The following PGM5 variants were observed in gnomAD, a reference collection of about 807,000 sequenced individuals.
PGM5 encodes phosphoglucomutase 5.
Under a neutral mutation model 59.2 loss-of-function variants are expected in PGM5, and 23 were observed. That is an observed-to-expected ratio of 0.39 (90% confidence interval 0.28 to 0.55). The LOEUF (loss-of-function observed/expected upper bound fraction) is 0.55. Among genes scored for constraint, PGM5 ranks in the 20% least tolerant of loss-of-function variants. PGM5 has a pLI of 0.66. For synonymous variants in PGM5, 214 were observed against 286.0 expected, an observed-to-expected ratio of 0.75 and a Z score of 2.54; for missense variants, 574 against 748.3, an observed-to-expected ratio of 0.77 and a Z score of 2.72.
In PGM5 at chr9:68,530,964, A is replaced by G. The variant is rs1034354158; in HGVS notation, c.*1308A>G. The G allele has an allele frequency of 6.6e-6, 1 of 152,240 alleles. No individual in the cohort carries two copies. The highest frequency in any genetic ancestry group is 1.5e-5 in the Non-Finnish European group (1 of 68,036). The allele number at this position is 152,240 out of a possible 1,614,324, so 9.4% of individuals were successfully genotyped here. On this transcript the variant is annotated 3_prime_UTR_variant, in exon 11 of 11. Coordinates refer to ENST00000396396, the MANE Select transcript of PGM5 (RefSeq NM_021965.4). ...TTAGTGCAAGCAAGGAAACATTCCC[A>G]GTAAGGTATTTGTTTCCATTTTCTG...
chr9:68,442,776 T>C (rs782773157), intron 6 of PGM5, among the ~76,000 whole-genome samples: 5 of 152,238 alleles, frequency 3.3e-5, no homozygotes, highest in Non-Finnish European at 7.3e-5. Context: ...AGAGGATATA[T>C]GGATGTCAAA....
intron 9 of PGM5, chr9:68,497,418 C>G (rs1442002211): frequency 6.6e-6 from 1 of 152,154 alleles, no homozygotes; most frequent in Non-Finnish European, 1.5e-5. Flanking sequence ...GAGATAGCTC[C>G]CTTTGGTTAC....
At chr9:68,413,316 T>C (rs1554681749) in intron 6 of PGM5, among the ~76,000 whole-genome samples, 1 of 152,040 alleles carries the variant, frequency 6.6e-6, no homozygotes, top group Non-Finnish European at 1.5e-5. Context: ...TCCTCTCTCC[T>C]GGGTAAGAAA....
At chr9:68,395,490 G>A (rs1293617900) in intron 6 of PGM5, among the ~76,000 whole-genome samples, 1 of 152,070 alleles carries the variant, frequency 6.6e-6, no homozygotes, top group East Asian at 1.9e-4. Context: ...AGCCTACTGG[G>A]ATTTTGATTG....
At chr9:68,493,223 ATT>A (rs1824428331) in intron 9 of PGM5, among the ~76,000 whole-genome samples, 1 of 152,210 alleles carries the variant, frequency 6.6e-6, no homozygotes, top group African/African-American at 2.4e-5. Flanking sequence ...CTCTGTGTGT[ATT>A]TAGCAACTTA....
chr9:68,482,926 C>T (rs12238439), intron 8 of PGM5, among the ~76,000 whole-genome samples: 9,107 of 152,274 alleles, frequency 0.06, 418 homozygotes, highest in African/African-American at 0.13. Flanking sequence ...TTTTTCTAAT[C>T]GACTTCCAGC....
chr9:68,462,871 C>A (rs1272046894), intron 6 of PGM5, among the ~76,000 whole-genome samples: 7 of 152,056 alleles, frequency 4.6e-5, no homozygotes, highest in Admixed American at 3.3e-4. Context: ...GTTATTCTGA[C>A]CTTCCATAGC....
rs1825064532 is a variant in PGM5 at position 68,530,622 on chromosome 9, G to GA, written c.*969dup. 6.6e-6 allele frequency: 1 copy of GA among 152,288 alleles called. No homozygotes were observed. The highest frequency in any genetic ancestry group is 2.1e-4 in the South Asian group (1 of 4,828). The allele number at this position is 152,288 out of a possible 1,614,324, so 9.4% of individuals were successfully genotyped here. On this transcript the variant is annotated 3_prime_UTR_variant, in exon 11 of 11. Coordinates refer to ENST00000396396, the MANE Select transcript of PGM5 (RefSeq NM_021965.4). ...TGTAAAGGCTGCAAAAGGAGAGGAT[G>GA]AAATGCTGTAAAAGTAGGAAATGAA...
chr9:68,395,979 C>T (rs1474567244), intron 6 of PGM5: 1 of 151,738 alleles, frequency 6.6e-6, no homozygotes, highest in Non-Finnish European at 1.5e-5. Flanking sequence ...AAAAAGACTC[C>T]GTAGAATTGT....
At chr9:68,444,805 A>G (rs1328523488) in intron 6 of PGM5, among the ~76,000 whole-genome samples, 1 of 152,166 alleles carries the variant, frequency 6.6e-6, no homozygotes, top group Non-Finnish European at 1.5e-5. Context: ...TTTAAACTAA[A>G]CACCCCTGGA....
intron 7 of PGM5, among the ~76,000 whole-genome samples, chr9:68,473,890 C>G (rs903913004): frequency 2.0e-5 from 3 of 152,094 alleles, no homozygotes; most frequent in African/African-American, 4.8e-5. Context: ...GAGAACCCCC[C>G]CATGTGAGCA....
intron 6 of PGM5, among the ~76,000 whole-genome samples, chr9:68,426,628 T>G (rs1361301344): frequency 2.0e-5 from 3 of 149,546 alleles, no homozygotes; most frequent in Admixed American, 6.6e-5. Flanking sequence ...TTTTTTTTTT[T>G]GGCCAATTTC....
Position 68,484,024 on chromosome 9 carries a change from G to A in PGM5, c.1455G>A (p.Val485=). ...KTDSFEYVDP[V]DGTVTKKQGL... is the part of the protein sequence containing the mutation. ...ATAGTTTTGAATACGTGGACCCTGT[G>A]GATGGCACTGTGACCAAGAAACAGG... The change falls in exon 9 of 11, where the codon GTG becomes GTA. Residue 485 remains valine, a synonymous_variant. Coordinates refer to ENST00000396396, the MANE Select transcript of PGM5 (RefSeq NM_021965.4). The A allele has an allele frequency of 1.2e-6, 2 of 1,613,606 alleles. No individual in the cohort carries two copies. The highest frequency in any genetic ancestry group is 1.7e-6 in the Non-Finnish European group (2 of 1,179,982).
At chr9:68,363,074 C>T (rs1400077741) in intron 1 of PGM5, among the ~76,000 whole-genome samples, 27 of 151,280 alleles carry the variant, frequency 1.8e-4, no homozygotes, top group African/African-American at 5.6e-4. Context: ...TTCACCATGT[C>T]GGCCAGGCTG....
intron 9 of PGM5, among the ~76,000 whole-genome samples, chr9:68,492,661 GA>G (rs1824411953): frequency 6.6e-6 from 1 of 152,212 alleles, no homozygotes; most frequent in East Asian, 1.9e-4. Flanking sequence ...GCTGGGGGTA[GA>G]GGGGGGCACC....
chr9:68,399,267 G>C (rs555637414), intron 6 of PGM5: 1 of 151,758 alleles, frequency 6.6e-6, no homozygotes, highest in African/African-American at 2.4e-5. Flanking sequence ...TGCTGCACAG[G>C]CACCCTGTGG....
chr9:68,452,061 CAGAG>C (rs1392495923), intron 6 of PGM5, among the ~76,000 whole-genome samples: 1 of 152,200 alleles, frequency 6.6e-6, no homozygotes, highest in Admixed American at 6.5e-5. Flanking sequence ...CCTGGCCTGA[CAGAG>C]AGAGAGGTAT....
intron 6 of PGM5, among the ~76,000 whole-genome samples, chr9:68,411,438 CAT>C (rs1822929681): frequency 7.1e-6 from 1 of 140,482 alleles, no homozygotes; most frequent in Non-Finnish European, 1.5e-5. Context: ...TATATATACA[CAT>C]ATATGTAGTG....
chr9:68,527,013 G>C (rs556374596), intron 10 of PGM5, among the ~76,000 whole-genome samples: 11 of 152,232 alleles, frequency 7.2e-5, no homozygotes, highest in Non-Finnish European at 1.3e-4. Context: ...ATTAGAAAGT[G>C]ATCTTTTGGT....
Sources: allele counts gnomAD v4.1 joint callset (sites outside exome capture counted in the v4.1 genomes callset), GRCh38; gene constraint gnomAD v4.1.1; transcripts MANE v1.5; gene names NCBI Gene and HGNC (gene_info 2026-07-23, HGNC 2026-07-21).